The following MORC3 variants were observed in gnomAD, a reference collection of about 807,000 sequenced individuals.
MORC3 encodes the protein MORC family CW-type zinc finger protein 3.
In MORC3, 31 loss-of-function variants were observed where a neutral mutation model predicts 109.1. The ratio of observed to expected loss-of-function variants is 0.28; its 90% CI spans 0.21 to 0.38. The LOEUF (loss-of-function observed/expected upper bound fraction) is 0.38. Among genes scored for constraint, MORC3 ranks in the 10% least tolerant of loss-of-function variants. The pLI, the probability that MORC3 is intolerant of heterozygous loss-of-function variation, is 1.00. For missense variants in MORC3, 867 were observed against 1,135.8 expected (o/e 0.76, Z 3.40); for synonymous variants, 395 against 380.7 (o/e 1.04, Z -0.44).
intron 5 of MORC3, 104 bp from the exon 6 acceptor site, chr21:36,341,295 T>G: frequency 9.3e-7 from 1 of 1,074,344 alleles, no homozygotes; most frequent in Non-Finnish European, 1.3e-6. Context: ...GTGCACCATG[T>G]GTAGGTTTAT....
At chr21:36,342,952 G>T (rs983612390) in intron 6 of MORC3, among the ~76,000 whole-genome samples, 2 of 151,568 alleles carry the variant, frequency 1.3e-5, no homozygotes, top group Non-Finnish European at 2.9e-5. Flanking sequence ...CCGGCAGGCA[G>T]AGGTTGTGGT....
At chr21:36,324,926 C>G (rs547971843) in intron 1 of MORC3, among the ~76,000 whole-genome samples, 3 of 151,978 alleles carry the variant, frequency 2.0e-5, no homozygotes, top group Admixed American at 6.6e-5. Flanking sequence ...CCTGGCTGAT[C>G]TTGAACTCCT....
At chr21:36,334,376 G>A (rs1293158677) in intron 2 of MORC3, among the ~76,000 whole-genome samples, 1 of 152,146 alleles carries the variant, frequency 6.6e-6, no homozygotes, top group Admixed American at 6.5e-5. Context: ...ATTTCATAGT[G>A]TTTAGGATTT....
chr21:36,320,950 A>G (rs1382957348), intron 1 of MORC3, among the ~76,000 whole-genome samples: 1 of 152,084 alleles, frequency 6.6e-6, no homozygotes, highest in Non-Finnish European at 1.5e-5. Context: ...AATCGTAGGG[A>G]GCGGTCACAC....
At chr21:36,333,578 A>G in intron 1 of MORC3, 68 bp from the exon 2 acceptor site, 1 of 1,343,602 alleles carries the variant, frequency 7.4e-7, no homozygotes, top group South Asian at 1.2e-5. Flanking sequence ...CACAGGGATA[A>G]AAATACTGGT....
At chr21:36,334,976 C>A (rs1023652912) in intron 2 of MORC3, among the ~76,000 whole-genome samples, 4 of 151,882 alleles carry the variant, frequency 2.6e-5, no homozygotes, top group African/African-American at 9.7e-5. Flanking sequence ...ACAAAAAATA[C>A]AAAAATTCGC....
intron 12 of MORC3, 124 bp downstream of exon 12, chr21:36,360,382 A>G: frequency 1.0e-6 from 1 of 953,822 alleles, no homozygotes; most frequent in South Asian, 1.6e-5. Context: ...TATAATGTGG[A>G]GTGCGTAATA....
intron 14 of MORC3, among the ~76,000 whole-genome samples, chr21:36,364,578 A>G (rs2085757013): frequency 6.6e-6 from 1 of 151,012 alleles, no homozygotes; most frequent in Admixed American, 6.8e-5. Context: ...CAGCTACTCC[A>G]GAGGCGGAGG....
chr21:36,355,935 G>A (rs2146323208), intron 9 of MORC3, among the ~76,000 whole-genome samples: 1 of 152,232 alleles, frequency 6.6e-6, no homozygotes, highest in African/African-American at 2.4e-5. Flanking sequence ...CATCACTAGT[G>A]GCAGTTCGTG....
intron 1 of MORC3, among the ~76,000 whole-genome samples, chr21:36,327,447 T>G (rs1487206523): frequency 6.6e-6 from 1 of 151,108 alleles, no homozygotes; most frequent in Non-Finnish European, 1.5e-5. Context: ...CCACCGTGCT[T>G]GGCCTTTATT....
intron 16 of MORC3, 86 bp from the exon 17 acceptor site, chr21:36,375,057 T>C: frequency 2.2e-6 from 3 of 1,335,062 alleles, no homozygotes; most frequent in Non-Finnish European, 3.1e-6. Context: ...TCTACGGAGA[T>C]TTGATTTTGA....
chr21:36,331,709 C>A (rs1181481186), intron 1 of MORC3, among the ~76,000 whole-genome samples: 1 of 152,194 alleles, frequency 6.6e-6, no homozygotes, highest in Non-Finnish European at 1.5e-5. Flanking sequence ...GGTTGACTGG[C>A]ATATTCTTCC....
rs143056552 is a variant in MORC3, at chr21:36,366,066, A to G, written c.1619+1807A>G. ...ATTTTAACTTTTAGATTCAGGGTAC[A>G]TGCAGGTTTGTTACATGGGTATATG... is the stretch of plus-strand genomic sequence containing the variant. On this transcript the variant is annotated intron_variant, in intron 14 of 16. Coordinates refer to ENST00000400485, the MANE Select transcript of MORC3 (RefSeq NM_015358.3). 4.3e-3 allele frequency among the ~76,000 whole-genome samples: 657 copies of G among 152,320 alleles called. 3 individuals are homozygous for G. Among genetic ancestry groups the G allele is most frequent in the Middle Eastern group, 0.02 (6 of 294 alleles).
At chr21:36,353,557 A>G (rs1240989065) in intron 9 of MORC3, among the ~76,000 whole-genome samples, 2 of 151,316 alleles carry the variant, frequency 1.3e-5, no homozygotes, top group African/African-American at 4.9e-5. Flanking sequence ...CCTGGCTAAC[A>G]TGGTGAAACC....
chr21:36,336,778 A>T lies in MORC3; in HGVS notation c.113-96A>T, dbSNP rs887957032. Reference sequence around the variant, plus strand: ...AATTGCAGCTTTTAAAGTTGTCTTAAAACATAGTCTTCTATTGCTTCTTAC... The same window carrying T: ...AATTGCAGCTTTTAAAGTTGTCTTATAACATAGTCTTCTATTGCTTCTTAC... On this transcript the variant is annotated intron_variant, in intron 2 of 16. Transcript: ENST00000400485. The T allele has an allele frequency of 6.4e-6, 8 of 1,248,652 alleles. No homozygotes were observed. In the African/African-American group the frequency reaches 1.2e-4, roughly 19 times the overall value. The allele number at this position is 1,248,652 out of a possible 1,614,324, so 77.3% of individuals were successfully genotyped here. A position where few individuals can be genotyped will look rare whatever the true frequency, so the allele number is the denominator to read the frequency against.
intron 1 of MORC3, among the ~76,000 whole-genome samples, chr21:36,332,954 C>T (rs890892134): frequency 2.0e-5 from 3 of 151,766 alleles, no homozygotes; most frequent in African/African-American, 7.3e-5. Flanking sequence ...CGCCCAGGTA[C>T]TTTTTTTGTA....
intron 16 of MORC3, among the ~76,000 whole-genome samples, chr21:36,372,845 A>G (rs1196690818): frequency 1.3e-5 from 2 of 152,180 alleles, no homozygotes; most frequent in African/African-American, 2.4e-5. Flanking sequence ...AATAGGGGGA[A>G]TTTGGCCATG....
intron 15 of MORC3, among the ~76,000 whole-genome samples, 185 bp downstream of exon 15, chr21:36,370,061 G>A (rs1269112741): frequency 1.3e-5 from 2 of 152,104 alleles, no homozygotes; most frequent in Admixed American, 6.6e-5. Flanking sequence ...GTGAAACCCC[G>A]TTTCTACTAA....
chr21:36,375,039 T>C, intron 16 of MORC3, 104 bp from the exon 17 acceptor site: 1 of 1,194,144 alleles, frequency 8.4e-7, no homozygotes, highest in South Asian at 1.6e-5. Flanking sequence ...TGTTTAATTG[T>C]ATATTATTCT....
Sources: gnomAD v4.1 joint callset for allele counts (sites outside exome capture counted in the v4.1 genomes callset) on GRCh38, gnomAD v4.1.1 for gene constraint, MANE v1.5 for transcripts, NCBI Gene and HGNC (gene_info 2026-07-23, HGNC 2026-07-21) for gene names.